Variants in DPYD observed in about 807,000 individuals in gnomAD.
DPYD encodes dihydropyrimidine dehydrogenase.
Under a neutral mutation model 116.2 loss-of-function variants are expected in DPYD, and 109 were observed. The ratio of observed to expected loss-of-function variants is 0.94; its 90% confidence interval spans 0.80 to 1.10. The LOEUF is 1.10. Ranked by LOEUF, DPYD falls within the 50% of genes least tolerant of loss-of-function variation. The pLI is 0.00. For missense variants in DPYD, 1,302 were observed against 1,254.5 expected (o/e 1.04, Z -0.57); for synonymous variants, 440 against 432.0 (o/e 1.02, Z -0.23).
intron 11 of DPYD, among the ~76,000 whole-genome samples, chr1:97,562,413 G>A (rs958923076): frequency 1.3e-5 from 2 of 152,186 alleles, no homozygotes; most frequent in African/African-American, 2.4e-5. Context: ...CAACATGCTT[G>A]CCATTCTTTC....
chr1:97,659,166 TA>T (rs1659110508), intron 8 of DPYD, among the ~76,000 whole-genome samples: 1 of 152,216 alleles, frequency 6.6e-6, no homozygotes, highest in African/African-American at 2.4e-5. Flanking sequence ...TATTTTGTTG[TA>T]ATTATGTTAC....
chr1:97,179,625 C>CAGGGCACTTCCAGTCTAT (rs1310794027), intron 20 of DPYD, among the ~76,000 whole-genome samples: 4 of 152,132 alleles, frequency 2.6e-5, no homozygotes, highest in Non-Finnish European at 2.9e-5. Flanking sequence ...GTGAAGGCTT[C>CAGGGCACTTCCAGTCTAT]AGGGCACTTC....
intron 8 of DPYD, among the ~76,000 whole-genome samples, chr1:97,669,335 T>C (rs533687063): frequency 2.2e-4 from 33 of 152,314 alleles, no homozygotes; most frequent in African/African-American, 7.2e-4. Context: ...GTAATCATTC[T>C]TGCAGTATTG....
In DPYD at chr1:97,289,645, T is replaced by G. The variant is rs550943419; in HGVS notation, c.2299+15614A>C. ...TTTGACAAAATTTAACAACCCTTCA[T>G]GCTAAAAACTCTCAATAAATTAGGT... On this transcript the variant is annotated intron_variant, in intron 18 of 22. Transcript: ENST00000370192. 6.2e-3 allele frequency among the ~76,000 whole-genome samples: 944 copies of G among 152,244 alleles called. 16 individuals carry two copies. Among genetic ancestry groups the G allele is most frequent in the African/African-American group, 0.021 (888 of 41,520 alleles).
intron 11 of DPYD, among the ~76,000 whole-genome samples, chr1:97,558,535 T>C (rs939339412): frequency 2.0e-5 from 3 of 152,170 alleles, no homozygotes; most frequent in African/African-American, 7.2e-5. Flanking sequence ...TTTTGATCAA[T>C]TTAAATATCT....
intron 16 of DPYD, among the ~76,000 whole-genome samples, chr1:97,367,921 T>C (rs945181062): frequency 6.6e-6 from 1 of 152,152 alleles, no homozygotes; most frequent in African/African-American, 2.4e-5. Flanking sequence ...GAGTATGCAC[T>C]GGGTTTCTAT....
At chr1:97,302,276 C>A (rs549727450) in intron 18 of DPYD, among the ~76,000 whole-genome samples, 4 of 151,918 alleles carry the variant, frequency 2.6e-5, no homozygotes, top group African/African-American at 7.2e-5. Context: ...AATCAGCCAT[C>A]CTTGTTTGAT....
At chr1:97,700,594 A>T (rs1456740060) in intron 5 of DPYD, among the ~76,000 whole-genome samples, 1 of 152,154 alleles carries the variant, frequency 6.6e-6, no homozygotes, top group East Asian at 1.9e-4. Context: ...AAACGATAGA[A>T]TGCACTTTCT....
At chr1:97,809,790 C>G (rs74108404) in intron 3 of DPYD, among the ~76,000 whole-genome samples, 7,206 of 152,102 alleles carry the variant, frequency 0.047, 555 homozygotes, top group African/African-American at 0.16. Context: ...TAGAGGCCAG[C>G]TACTGAACGC....
At chr1:97,459,657 G>A (rs1282574437) in intron 13 of DPYD, among the ~76,000 whole-genome samples, 1 of 152,036 alleles carries the variant, frequency 6.6e-6, no homozygotes, top group African/African-American at 2.4e-5. Flanking sequence ...TGCATACCTT[G>A]TAGACTTATA....
intron 16 of DPYD, among the ~76,000 whole-genome samples, chr1:97,330,925 T>C (rs1189422691): frequency 6.6e-6 from 1 of 152,212 alleles, no homozygotes. Flanking sequence ...ACAGTAGATA[T>C]CTTTGTTGAC....
chr1:97,129,069 CTTT>C (rs532541559), intron 20 of DPYD, among the ~76,000 whole-genome samples: 2 of 134,988 alleles, frequency 1.5e-5, no homozygotes. Flanking sequence ...CTGCTGTATT[CTTT>C]TTTTTTTTTT....
At chr1:97,617,528 T>C (rs920829444) in intron 8 of DPYD, among the ~76,000 whole-genome samples, 6 of 152,204 alleles carry the variant, frequency 3.9e-5, no homozygotes, top group Non-Finnish European at 7.4e-5. Flanking sequence ...TGGTGGTCTC[T>C]AGGTCCAGTG....
chr1:97,846,455 G>C (rs1670306545), intron 2 of DPYD, among the ~76,000 whole-genome samples: 1 of 152,220 alleles, frequency 6.6e-6, no homozygotes, highest in Non-Finnish European at 1.5e-5. Context: ...GAGACAGCCT[G>C]GACTTGTGTT....
chr1:97,131,924 T>A (rs1653376392), intron 20 of DPYD, among the ~76,000 whole-genome samples: 1 of 152,194 alleles, frequency 6.6e-6, no homozygotes, highest in Non-Finnish European at 1.5e-5. Flanking sequence ...TTTCCTTTAC[T>A]TAAATGATTT....
chr1:97,169,382 ATTGGCATTCTCT>A (rs1225546797), intron 20 of DPYD, among the ~76,000 whole-genome samples: 4 of 152,134 alleles, frequency 2.6e-5, no homozygotes, highest in Non-Finnish European at 5.9e-5. Flanking sequence ...ATGTTTACAA[ATTGGCATTCTCT>A]TTACATTTTG....
chr1:97,599,860 C>CAAAAAAA (rs56940277), intron 8 of DPYD, among the ~76,000 whole-genome samples: 3 of 36,442 alleles, frequency 8.2e-5, no homozygotes, highest in Non-Finnish European at 1.4e-4. Context: ...CCCATCTCCA[C>CAAAAAAA]AAAAAAAAAA....
chr1:97,193,271 C>T (rs1399569986), intron 19 of DPYD, 23 bp from the exon 20 acceptor site: 1 of 1,609,688 alleles, frequency 6.2e-7, no homozygotes, highest in Non-Finnish European at 8.5e-7. Flanking sequence ...GAGCAGTCAA[C>T]CAAGTGTCAA....
intron 3 of DPYD, among the ~76,000 whole-genome samples, chr1:97,786,927 T>C (rs1667069087): frequency 6.6e-6 from 1 of 152,214 alleles, no homozygotes; most frequent in Non-Finnish European, 1.5e-5. Flanking sequence ...TGTTCTCCTT[T>C]TGCATGGAAG....
Sources: gnomAD v4.1 joint callset for allele counts (sites outside exome capture counted in the v4.1 genomes callset) on GRCh38, gnomAD v4.1.1 for gene constraint, MANE v1.5 for transcripts, NCBI Gene and HGNC (gene_info 2026-07-23, HGNC 2026-07-21) for gene names.